The following LEMD1 variants were observed in gnomAD, a reference collection of about 807,000 sequenced individuals.
The protein encoded by LEMD1 is LEM domain-containing protein 1.
LEMD1 carries 18 observed loss-of-function variants against 17.4 expected under a neutral mutation model. That is an observed-to-expected ratio of 1.04 (90% CI 0.72 to 1.54). The LOEUF (loss-of-function observed/expected upper bound fraction) is 1.54. Among genes scored for constraint, LEMD1 ranks in the 40% most tolerant of loss-of-function variants. The pLI is 0.00. For missense variants in LEMD1, 195 were observed against 210.4 expected (o/e 0.93, Z 0.45); for synonymous variants, 88 against 77.8 (o/e 1.13, Z -0.69).
intron 5 of LEMD1, among the ~76,000 whole-genome samples, chr1:205,384,000 A>G (rs1217518326): frequency 6.6e-6 from 1 of 151,894 alleles, no homozygotes; most frequent in Non-Finnish European, 1.5e-5. Context: ...ACAAATAGAA[A>G]GAAATGTTTC....
At chr1:205,408,828 C>A (rs772030490) in intron 4 of LEMD1, among the ~76,000 whole-genome samples, 1 of 151,610 alleles carries the variant, frequency 6.6e-6, no homozygotes, top group Non-Finnish European at 1.5e-5. Context: ...AAGAAGGAGT[C>A]CCAAATACCG....
intron 1 of LEMD1, chr1:205,436,592 T>C (rs1022311062): frequency 6.6e-6 from 1 of 151,976 alleles, no homozygotes; most frequent in Non-Finnish European, 1.5e-5. Flanking sequence ...TGTGTTTGTG[T>C]TGGGAGCAGG....
chr1:205,444,788 AAAC>A (rs962348504), intron 1 of LEMD1, among the ~76,000 whole-genome samples: 3 of 151,998 alleles, frequency 2.0e-5, no homozygotes, highest in Admixed American at 6.6e-5. Context: ...ATTCTCTGAT[AAAC>A]AAGAAGAGGG....
intron 5 of LEMD1, among the ~76,000 whole-genome samples, chr1:205,383,967 G>A (rs78066677): frequency 1.1e-5 from 1 of 89,996 alleles, no homozygotes; most frequent in Admixed American, 1.1e-4. Context: ...TTTTTTTTTT[G>A]CCTCTTGCCC....
chr1:205,432,157 C>T (rs1341607624), intron 1 of LEMD1, among the ~76,000 whole-genome samples: 2 of 152,032 alleles, frequency 1.3e-5, no homozygotes, highest in Non-Finnish European at 2.9e-5. Context: ...GAAAAGGTAG[C>T]AGGAGAAGAG....
intron 1 of LEMD1, among the ~76,000 whole-genome samples, chr1:205,430,742 C>T (rs1666114553): frequency 2.6e-5 from 4 of 152,262 alleles, no homozygotes; most frequent in Non-Finnish European, 5.9e-5. Flanking sequence ...AAGCAGCCGG[C>T]GAGGCGCACT....
intron 5 of LEMD1, 89 bp from the exon 6 acceptor site, chr1:205,381,945 G>T (rs1034665726): frequency 7.8e-7 from 1 of 1,274,574 alleles, no homozygotes; most frequent in Non-Finnish European, 1.1e-6. Flanking sequence ...GAAGCCCAAG[G>T]GTGCAGTCAT....
In LEMD1 at chr1:205,416,213, G is replaced by A; in HGVS notation, c.270+19C>T. The A allele has an allele frequency of 4.1e-6, 6 of 1,475,580 alleles. No homozygotes were observed. Among genetic ancestry groups the A allele is most frequent in the South Asian group, 2.4e-5 (2 of 82,084 alleles). The allele number at this position is 1,475,580 out of a possible 1,614,324, so 91.4% of individuals were successfully genotyped here. On this transcript the variant is annotated intron_variant, in intron 4 of 5. Transcript: ENST00000367153. The stretch of plus-strand genomic sequence containing the variant: ...TTAATATATGGGTATAAGTATTCAG[G>A]CATTAGAATGGTACATACTTTTTTG...
intron 4 of LEMD1, chr1:205,387,536 G>A (rs1664093189): frequency 1.3e-5 from 2 of 152,120 alleles, no homozygotes; most frequent in Non-Finnish European, 2.9e-5. Context: ...CATTTACAGT[G>A]GAGCTAAAAA....
At chr1:205,410,006 C>G (rs1387837830) in intron 4 of LEMD1, among the ~76,000 whole-genome samples, 4 of 152,076 alleles carry the variant, frequency 2.6e-5, no homozygotes, top group African/African-American at 9.7e-5. Flanking sequence ...GAACTCCTGA[C>G]CTCAGGTGAT....
At chr1:205,449,134 G>A (rs748680895) in intron 1 of LEMD1, among the ~76,000 whole-genome samples, 6 of 152,200 alleles carry the variant, frequency 3.9e-5, no homozygotes, top group Non-Finnish European at 5.9e-5. Flanking sequence ...TGTGGGAGGG[G>A]TGCGCAGTGC....
intron 1 of LEMD1, among the ~76,000 whole-genome samples, chr1:205,433,426 C>T (rs1415446074): frequency 6.6e-6 from 1 of 152,102 alleles, no homozygotes; most frequent in Non-Finnish European, 1.5e-5. Flanking sequence ...CACTGCACTC[C>T]AGCCTGGGCA....
At chr1:205,395,089 CTT>C (rs1271949409) in intron 4 of LEMD1, among the ~76,000 whole-genome samples, 3 of 151,636 alleles carry the variant, frequency 2.0e-5, no homozygotes, top group Non-Finnish European at 2.9e-5. Context: ...GATATTATGT[CTT>C]TATTCTAAGG....
intron 4 of LEMD1, among the ~76,000 whole-genome samples, chr1:205,406,804 C>T (rs1434902613): frequency 6.6e-6 from 1 of 152,228 alleles, no homozygotes; most frequent in African/African-American, 2.4e-5. Context: ...CTGTGTCGCT[C>T]ACGCTGGGAG....
chr1:205,411,724 A>G (rs1329204874), intron 4 of LEMD1, among the ~76,000 whole-genome samples: 5 of 150,344 alleles, frequency 3.3e-5, no homozygotes, highest in African/African-American at 1.2e-4. Flanking sequence ...AAAGAGAAAG[A>G]AAGAAAAGAA....
At chr1:205,425,774 A>G (rs1174234286), upstream of LEMD1, among the ~76,000 whole-genome samples, 1 of 152,262 alleles carries the variant, frequency 6.6e-6, no homozygotes, top group Non-Finnish European at 1.5e-5. Context: ...AAATGTGTAT[A>G]ACAAAGGGGA....
intron 1 of LEMD1, among the ~76,000 whole-genome samples, chr1:205,446,482 T>A (rs956540848): frequency 6.6e-6 from 1 of 152,198 alleles, no homozygotes; most frequent in African/African-American, 2.4e-5. Context: ...AGGTATAATC[T>A]CTGGAATGGC....
At chr1:205,383,044 G>A (rs1378196772) in intron 5 of LEMD1, among the ~76,000 whole-genome samples, 1 of 152,068 alleles carries the variant, frequency 6.6e-6, no homozygotes, top group African/African-American at 2.4e-5. Flanking sequence ...TTTAAAAATT[G>A]ATACATAATA....
chr1:205,390,367 A>C (rs55916208), intron 4 of LEMD1, among the ~76,000 whole-genome samples: 9,307 of 152,012 alleles, frequency 0.061, 698 homozygotes, highest in African/African-American at 0.18. Context: ...AAAAAAAAAA[A>C]AACAACAAAC....
Sources: gnomAD v4.1 joint callset for allele counts (sites outside exome capture counted in the v4.1 genomes callset) on GRCh38, gnomAD v4.1.1 for gene constraint, MANE v1.5 for transcripts, NCBI Gene and HGNC (gene_info 2026-07-23, HGNC 2026-07-21) for gene names.